Variants in MYEF2 observed in about 807,000 individuals in gnomAD.
The protein encoded by MYEF2 is myelin expression factor 2.
Under a neutral mutation model 75.2 loss-of-function variants are expected in MYEF2, and 37 were observed. The observed-to-expected ratio is 0.49, with a 90% CI of 0.38 to 0.65. The LOEUF is 0.65. MYEF2 is among the 30% of genes least tolerant of loss of function. MYEF2 has a pLI of 0.00. For missense variants in MYEF2, 634 were observed against 771.4 expected (o/e 0.82, Z 2.11); for synonymous variants, 195 against 241.6 (o/e 0.81, Z 1.79).
In MYEF2 at chr15:48,138,907, G is replaced by A; in HGVS notation, c.*4001C>T. ...TTATTTCAATATAACTTTCTAAATA[G>A]GCATTTCTAACTTAATTAGCCATTT... On this transcript the variant is annotated 3_prime_UTR_variant, in exon 17 of 17. Transcript: ENST00000324324. 1 of 1,215,800 alleles carries A rather than the reference G, an allele frequency of 8.2e-7. No homozygotes were observed. The highest frequency in any genetic ancestry group is 1.2e-6 in the Non-Finnish European group (1 of 850,152). 75.3% of individuals were successfully genotyped at this position (1,215,800 alleles called of 1,614,324 possible). A position where few individuals can be genotyped will look rare whatever the true frequency, so the allele number is the denominator to read the frequency against.
At chr15:48,172,400 C>T (rs993950526) in intron 1 of MYEF2, among the ~76,000 whole-genome samples, 2 of 84,978 alleles carry the variant, frequency 2.4e-5, no homozygotes, top group South Asian at 3.8e-4. Context: ...GACTCTGTAT[C>T]AAAAAAAAAA....
Position 48,149,413 on chromosome 15 carries a change from G to GT in MYEF2, c.1379-43dup. Reference sequence around the variant, plus strand: ...GGACGGGGGGATTTGGGAATTTTGTGTTTTTGTTTCAAAAACATAAGGAAA... The same window carrying GT: ...GGACGGGGGGATTTGGGAATTTTGTGTTTTTTGTTTCAAAAACATAAGGAAA... On this transcript the variant is annotated intron_variant, in intron 14 of 16. Transcript: ENST00000324324. The surrounding 1 kb of genome is among the most constrained non-coding windows in gnomAD (Gnocchi z 4.0). The GT allele has an allele frequency of 1.9e-6, 3 of 1,590,678 alleles. No individual in the cohort carries two copies. The African/African-American group carries it at 4.0e-5, about 21-fold the overall frequency.
Position 48,159,841 on chromosome 15 carries a change from C to T in MYEF2, c.526-37G>A, listed in dbSNP as rs144868643. On this transcript the variant is annotated intron_variant, in intron 5 of 16. Transcript: ENST00000324324. ...ATTGAATGTTAAATTCCACTAAATA[C>T]ATCACTAATTCTACAAAATTAAAAT... is the stretch of plus-strand genomic sequence containing the variant. 5.7e-5 allele frequency: 89 copies of T among 1,555,480 alleles called. No individual in the cohort carries two copies. The East Asian group carries it at 1.7e-3, about 30-fold the overall frequency.
chr15:48,166,089 GACTTAAGATACTTAAAGAAAAAATTTCTT>G lies in MYEF2; in HGVS notation c.431+3_431+31del. The G allele has an allele frequency of 6.3e-7, 1 of 1,580,368 alleles. No individual in the cohort carries two copies. Among genetic ancestry groups the G allele is most frequent in the Non-Finnish European group, 8.6e-7 (1 of 1,160,064 alleles). On this transcript the variant is annotated splice_donor_5th_base_variant and intron_variant, in intron 4 of 16. Coordinates refer to ENST00000324324, the MANE Select transcript of MYEF2 (RefSeq NM_016132.5). ...CTAATTTTTTTCCAAAGTTTAATTT[GACTTAAGATACTTAAAGAAAAAATTTCTT>G]ACCCACAACCCTATATCCAGGTAGA... is the stretch of plus-strand genomic sequence containing the variant.
intron 16 of MYEF2, among the ~76,000 whole-genome samples, chr15:48,143,446 G>A (rs919277272): frequency 2.0e-5 from 3 of 151,878 alleles, no homozygotes; most frequent in East Asian, 1.9e-4. Flanking sequence ...TAGAATAAAC[G>A]GTTGCTTACT....
At position 48,141,459 on chromosome 15, in the gene MYEF2, C is replaced by T; in HGVS notation, c.*1449G>A. On this transcript the variant is annotated 3_prime_UTR_variant, in exon 17 of 17. Coordinates refer to ENST00000324324, the MANE Select transcript of MYEF2 (RefSeq NM_016132.5). ...GGGCGTGGTGGCATGTGCCTGTAATCCCAGCTACTCAGGAGGCTGAGGCAG... is the reference window on the plus strand; with the variant it reads ...GGGCGTGGTGGCATGTGCCTGTAATTCCAGCTACTCAGGAGGCTGAGGCAG... The T allele has an allele frequency of 3.4e-6, 1 of 292,892 alleles. No homozygotes were observed. The highest frequency in any genetic ancestry group is 3.9e-5 in the South Asian group (1 of 25,356). The allele number at this position is 292,892 out of a possible 1,614,324, so 18.1% of individuals were successfully genotyped here. A position where few individuals can be genotyped will look rare whatever the true frequency, so the allele number is the denominator to read the frequency against.
At chr15:48,176,873 T>C (rs1272186584) in intron 1 of MYEF2, among the ~76,000 whole-genome samples, 2 of 152,184 alleles carry the variant, frequency 1.3e-5, no homozygotes, top group Non-Finnish European at 2.9e-5. Context: ...CAATCTCTTA[T>C]ACCTGCACCT....
chr15:48,143,418 T>G (rs2039159433), intron 16 of MYEF2, among the ~76,000 whole-genome samples: 1 of 152,064 alleles, frequency 6.6e-6, no homozygotes, highest in Non-Finnish European at 1.5e-5. Flanking sequence ...AACTTACATA[T>G]TTAAACAAAA....
chr15:48,144,508 GAAA>G (rs2140799688), intron 16 of MYEF2, among the ~76,000 whole-genome samples: 2 of 151,958 alleles, frequency 1.3e-5, no homozygotes, highest in East Asian at 3.9e-4. Context: ...AATGTGTTCT[GAAA>G]AGTTATAAAA....
At position 48,158,019 on chromosome 15, in the gene MYEF2, T is replaced by A; in HGVS notation, c.959A>T (p.His320Leu). 2 of 1,613,192 alleles carry A rather than the reference T, an allele frequency of 1.2e-6. No homozygotes were observed. The highest frequency in any genetic ancestry group is 2.2e-5 in the South Asian group (2 of 91,038). The change falls in exon 9 of 17, where the codon CAT becomes CTT. Residue 320 changes from histidine (H) to leucine (L), a missense_variant. By Grantham distance (99) the His-to-Leu change is moderately conservative. Transcript: ENST00000324324. Reference sequence around the variant, plus strand: ...TGGTAATTGTGGTGTTTTACCATCATGTGAACGGTACTCTTCATGAGGAAC... The same window carrying A: ...TGGTAATTGTGGTGTTTTACCATCAAGTGAACGGTACTCTTCATGAGGAAC... ...KSVPHEEYRS[H>L]DGKTPQLPRG...
intron 16 of MYEF2, among the ~76,000 whole-genome samples, chr15:48,148,670 T>C (rs557751931): frequency 3.9e-4 from 60 of 152,120 alleles, no homozygotes; most frequent in African/African-American, 1.4e-3. Flanking sequence ...GAAATAAATA[T>C]ACCATTTATT....
chr15:48,162,936 A>G (rs1234832104), intron 5 of MYEF2: 1 of 152,146 alleles, frequency 6.6e-6, no homozygotes, highest in East Asian at 1.9e-4. Flanking sequence ...TCAGTTAATA[A>G]CCCTAAAATG....
Position 48,158,788 on chromosome 15 carries a change from A to T in MYEF2, c.852T>A (p.Ile284=), listed in dbSNP as rs373205387. ...GGATACAAATTGCTTGAACTGCTTC[A>T]ATTGCTTGCTCAAAAGTGACAGTGC... ...GMGTVTFEQA[I]EAVQAISMFN... is the part of the protein sequence containing the mutation. The change falls in exon 7 of 17, where the codon ATT becomes ATA. Residue 284 remains isoleucine (I), a synonymous_variant. Transcript: ENST00000324324. 4.8e-5 allele frequency: 77 copies of T among 1,613,536 alleles called. No individual in the cohort carries two copies. The highest frequency in any genetic ancestry group is 6.4e-5 in the Non-Finnish European group (76 of 1,179,686).
At chr15:48,151,988 G>A (rs1409341906) in intron 11 of MYEF2, 46 bp from the exon 12 acceptor site, 2 of 1,569,546 alleles carry the variant, frequency 1.3e-6, no homozygotes, top group Non-Finnish European at 1.8e-6. Flanking sequence ...CAGTCATGTA[G>A]CTGAAAGGTA....
intron 9 of MYEF2, among the ~76,000 whole-genome samples, chr15:48,156,410 G>A (rs1258301458): frequency 6.6e-6 from 1 of 151,180 alleles, no homozygotes; most frequent in African/African-American, 2.4e-5. Flanking sequence ...CAGAAACATA[G>A]ATGTAGCAAA....
At chr15:48,152,617 T>C (rs1011442212) in intron 10 of MYEF2, 1 of 240,392 alleles carries the variant, frequency 4.2e-6, no homozygotes, top group African/African-American at 2.3e-5. Context: ...AATGATTTTT[T>C]TTTTCCAGCA....
chr15:48,151,404 A>G (rs1488110029), intron 13 of MYEF2, 69 bp downstream of exon 13: 1 of 1,433,610 alleles, frequency 7.0e-7, no homozygotes, highest in African/African-American at 1.4e-5. Flanking sequence ...TTTTCACAAA[A>G]AAAGAGAAAC....
chr15:48,138,784 T>G lies in MYEF2; in HGVS notation c.*4124A>C, dbSNP rs2038965695. 3 of 565,704 alleles carry G rather than the reference T, an allele frequency of 5.3e-6. No homozygotes were observed. In the South Asian group the frequency reaches 7.2e-5, roughly 14 times the overall value. 35.0% of individuals were successfully genotyped at this position (565,704 alleles called of 1,614,324 possible). The stretch of plus-strand genomic sequence containing the variant: ...ATGCGGAGTATCACATCTTACATTG[T>G]CTGCCCTAAAGTTTCAATTAGTTTC... On this transcript the variant is annotated 3_prime_UTR_variant, in exon 17 of 17. Transcript: ENST00000324324.
rs772115378 is a variant in MYEF2 at position 48,159,788 on chromosome 15, T to G, written c.542A>C (p.Asn181Thr). The change falls in exon 6 of 17, where the codon AAT becomes ACT. Residue 181 changes from asparagine to threonine, a missense_variant. Transcript: ENST00000324324. ...TGTTCGCTGCAATGCCCTACGAGCA[T>G]TTTCTCCATCAGGATCCTATAACAC... ...LNIKEDPDGENARRALQRTGG... is the reference protein window; with the variant it reads ...LNIKEDPDGETARRALQRTGG... The G allele has an allele frequency of 6.2e-7, 1 of 1,612,724 alleles. No homozygotes were observed. Among genetic ancestry groups the G allele is most frequent in the South Asian group, 1.1e-5 (1 of 90,880 alleles).
Sources: allele counts gnomAD v4.1 joint callset (sites outside exome capture counted in the v4.1 genomes callset), GRCh38; gene constraint gnomAD v4.1.1; non-coding constraint Gnocchi (gnomAD v3.1); transcripts MANE v1.5; gene names NCBI Gene and HGNC (gene_info 2026-07-23, HGNC 2026-07-21).